LRCH2: variants seen among roughly 807,000 people sequenced by gnomAD.
LRCH2 encodes the protein leucine rich repeats and calponin homology domain containing 2, also known as leucine-rich repeat and calponin homology domain-containing protein 2.
Under a neutral mutation model 68.9 loss-of-function variants are expected in LRCH2, and 38 were observed. That is an observed-to-expected ratio of 0.55 (90% CI 0.43 to 0.72). LRCH2 has a LOEUF of 0.72. LRCH2 is among the 30% of genes least tolerant of loss of function. LRCH2 has a pLI of 0.00. For synonymous variants in LRCH2, 191 were observed against 208.1 expected (o/e 0.92, Z 0.71); for missense variants, 528 against 572.9 (o/e 0.92, Z 0.80).
At position 115,129,080 on chromosome X, in the gene LRCH2, T is replaced by C. The variant is rs1033138089; in HGVS notation, c.1740+1075A>G. On this transcript the variant is annotated intron_variant, in intron 15 of 20. Transcript: ENST00000317135. ...ATTTAGTCCTATTGGGTTTATGAGA[T>C]ATATCCAGCAGAAATTCTAAGCAGG... 6.2e-5 allele frequency among the ~76,000 whole-genome samples: 7 copies of C among 112,019 alleles called. No homozygotes were observed. The Admixed American group carries it at 6.7e-4, about 11-fold the overall frequency.
In LRCH2 at chrX:115,126,866, T is replaced by C. The variant is rs1556528301; in HGVS notation, c.1768A>G (p.Thr590Ala). The C allele has an allele frequency of 1.8e-6, 2 of 1,087,556 alleles. No homozygotes were observed. The highest frequency in any genetic ancestry group is 2.4e-6 in the Non-Finnish European group (2 of 830,622). 89.6% of individuals were successfully genotyped at this position (1,087,556 alleles called of 1,213,427 possible). A position where few individuals can be genotyped will look rare whatever the true frequency, so the allele number is the denominator to read the frequency against. ...ACCTCAGATGATACTGGAGATTGTG[T>C]TGACATATTAGCATTATCACTGTCT... is the stretch of plus-strand genomic sequence containing the variant. Reference protein sequence around the residue: ...EQDSDNANMSTQSPVSSEEYD... With the variant: ...EQDSDNANMSAQSPVSSEEYD... Residue 590 changes from threonine (T) to alanine (A), a missense_variant, in exon 16 of 21, where the codon ACA (threonine) becomes GCA (alanine). Coordinates refer to ENST00000317135, the MANE Select transcript of LRCH2 (RefSeq NM_020871.4).
intron 12 of LRCH2, among the ~76,000 whole-genome samples, chrX:115,151,050 T>C (rs1192725031): frequency 8.9e-6 from 1 of 111,766 alleles, no homozygotes; most frequent in Non-Finnish European, 1.9e-5. Flanking sequence ...ATAACTTCTC[T>C]TTCAACTTAA....
In LRCH2 at chrX:115,147,470, T is replaced by C. The variant is rs973691261; in HGVS notation, c.1695+2357A>G. 1.7e-4 allele frequency among the ~76,000 whole-genome samples: 19 copies of C among 111,640 alleles called. No homozygotes were observed. In the Admixed American group the frequency reaches 1.7e-3, roughly 10 times the overall value. ...TCTCCTTAAAACATTTCCCAGTGAC[T>C]GAAGCTTATCTTTGCACCTAATTTA... On this transcript the variant is annotated intron_variant, in intron 14 of 20. Transcript: ENST00000317135.
At chrX:115,189,610 G>A (rs781830577) in intron 1 of LRCH2, 6 of 1,169,556 alleles carry the variant, frequency 5.1e-6, no homozygotes, top group Middle Eastern at 2.3e-4. Context: ...CGTCACCTTC[G>A]AAAGCCCTGC....
At chrX:115,161,933 T>TTG (rs1170677655) in intron 11 of LRCH2, among the ~76,000 whole-genome samples, 11 of 101,266 alleles carry the variant, frequency 1.1e-4, no homozygotes, top group Non-Finnish European at 1.6e-4. Context: ...CCTGTCGGTT[T>TTG]TTTTTTTTTT....
chrX:115,166,374 G>GATT (rs781813682), intron 6 of LRCH2, 32 bp from the exon 7 acceptor site: 83 of 981,998 alleles, frequency 8.5e-5, no homozygotes, highest in Non-Finnish European at 1.1e-4. Flanking sequence ...GAGCAGTTAG[G>GATT]ATTTTCTTCT....
intron 5 of LRCH2, among the ~76,000 whole-genome samples, chrX:115,172,320 T>C (rs1286918203): frequency 1.8e-5 from 2 of 112,328 alleles, no homozygotes; most frequent in African/African-American, 3.2e-5. Flanking sequence ...AATGTGACCT[T>C]GAACAAGTCA....
At chrX:115,172,172 C>A (rs1443712357) in intron 5 of LRCH2, among the ~76,000 whole-genome samples, 1 of 111,244 alleles carries the variant, frequency 9.0e-6, no homozygotes, top group Non-Finnish European at 1.9e-5. Context: ...ACACCACCAC[C>A]ACCATCCCAG....
chrX:115,195,107 AC>A (rs1263625001), intron 1 of LRCH2, among the ~76,000 whole-genome samples: 1 of 110,228 alleles, frequency 9.1e-6, no homozygotes, highest in Admixed American at 9.7e-5. Flanking sequence ...ATATGGTGAA[AC>A]CCCGTCTCTT....
chrX:115,170,874 C>T (rs782258156), intron 5 of LRCH2, among the ~76,000 whole-genome samples: 1 of 111,305 alleles, frequency 9.0e-6, no homozygotes, highest in Non-Finnish European at 1.9e-5. Flanking sequence ...AGAAGGCTAA[C>T]ATAAAAAATA....
chrX:115,147,369 G>GA (rs201238366), intron 14 of LRCH2, among the ~76,000 whole-genome samples: 31 of 110,116 alleles, frequency 2.8e-4, no homozygotes, highest in East Asian at 1.4e-3. Context: ...GACATCTTAG[G>GA]AAAAAAAACT....
chrX:115,206,096 T>C (rs890183464), intron 1 of LRCH2, among the ~76,000 whole-genome samples: 1 of 112,117 alleles, frequency 8.9e-6, no homozygotes, highest in Non-Finnish European at 1.9e-5. Flanking sequence ...CATGCTTCTT[T>C]ATGTTCGTTC....
At chrX:115,187,540 C>G (rs1363034950) in intron 2 of LRCH2, among the ~76,000 whole-genome samples, 1 of 112,043 alleles carries the variant, frequency 8.9e-6, no homozygotes, top group South Asian at 3.7e-4. Flanking sequence ...CTGAATATAT[C>G]TATGAATTTG....
chrX:115,115,558 G>C (rs782410811), intron 20 of LRCH2, among the ~76,000 whole-genome samples: 64 of 110,536 alleles, frequency 5.8e-4, no homozygotes, highest in Non-Finnish European at 9.5e-4. Context: ...ATCTCAAAAT[G>C]GATCACAGAC....
chrX:115,189,989 C>T lies in LRCH2; in HGVS notation c.350-1619G>A, dbSNP rs375251992. On this transcript the variant is annotated intron_variant, in intron 1 of 20. Transcript: ENST00000317135. The stretch of plus-strand genomic sequence containing the variant: ...GGCTGTGGAATGCGCGGGAAGGCAC[C>T]GACTGTGTCGGGGCAAGATGGCTAC... The T allele has an allele frequency of 1.9e-4, 216 of 1,162,646 alleles. 2 individuals are homozygous for T. The South Asian group carries it at 3.9e-3, about 21-fold the overall frequency.
chrX:115,128,202 A>T (rs949372765), intron 15 of LRCH2, among the ~76,000 whole-genome samples: 1 of 112,036 alleles, frequency 8.9e-6, no homozygotes, highest in Non-Finnish European at 1.9e-5. Flanking sequence ...ATATTGAGGC[A>T]GGCAAGAGAA....
At chrX:115,212,090 G>C (rs1411501412) in intron 1 of LRCH2, among the ~76,000 whole-genome samples, 2 of 112,264 alleles carry the variant, frequency 1.8e-5, no homozygotes, top group East Asian at 5.6e-4. Context: ...GTCGGATTTT[G>C]CCCTACTTGT....
chrX:115,179,073 C>T (rs1380993492), intron 5 of LRCH2, among the ~76,000 whole-genome samples: 2 of 111,545 alleles, frequency 1.8e-5, no homozygotes, highest in African/African-American at 6.5e-5. Context: ...GTTATAATTC[C>T]ATCTCTCAGT....
chrX:115,113,309 A>G lies in LRCH2; in HGVS notation c.2205T>C (p.Ile735=). The part of the protein sequence containing the change: ...SQERLCLPHH[I]LEERGLVKVG... Reference sequence around the variant, plus strand: ...CTTTCACAAGTCCTCGTTCTTCCAAAATATGATGAGGCAAACAAAGTCTTT... The same window carrying G: ...CTTTCACAAGTCCTCGTTCTTCCAAGATATGATGAGGCAAACAAAGTCTTT... Residue 735 remains isoleucine (I), a synonymous_variant, in exon 21 of 21, where the codon ATT becomes ATC. Coordinates refer to ENST00000317135, the MANE Select transcript of LRCH2 (RefSeq NM_020871.4). 1 of 1,195,002 alleles carries G rather than the reference A, an allele frequency of 8.4e-7. No homozygotes were observed. Among genetic ancestry groups the G allele is most frequent in the Non-Finnish European group, 1.1e-6 (1 of 885,425 alleles).
Sources: allele counts gnomAD v4.1 joint callset (sites outside exome capture counted in the v4.1 genomes callset), GRCh38; gene constraint gnomAD v4.1.1; transcripts MANE v1.5; gene names NCBI Gene and HGNC (gene_info 2026-07-23, HGNC 2026-07-21).